Variants in CPA6 observed in about 807,000 individuals in gnomAD.
The protein encoded by CPA6 is carboxypeptidase B.
In CPA6, 58 loss-of-function variants were observed where a neutral mutation model predicts 63.3. That is an observed-to-expected ratio of 0.92 (90% CI 0.74 to 1.14). The LOEUF (loss-of-function observed/expected upper bound fraction) is 1.14. Among genes scored for constraint, CPA6 ranks in the 50% most tolerant of loss-of-function variants. CPA6 has a pLI of 0.00. For missense variants in CPA6, 565 were observed against 526.6 expected, an observed-to-expected ratio of 1.07 and a Z score of -0.71; for synonymous variants, 185 against 179.0, an observed-to-expected ratio of 1.03 and a Z score of -0.27.
chr8:67,457,289 A>T (rs1425216997), intron 8 of CPA6, among the ~76,000 whole-genome samples: 2 of 152,214 alleles, frequency 1.3e-5, no homozygotes, highest in Non-Finnish European at 2.9e-5. Context: ...ACTGCTCTTA[A>T]AAATTTATTA....
chr8:67,555,408 C>T (rs984864551), intron 2 of CPA6, among the ~76,000 whole-genome samples: 1 of 152,112 alleles, frequency 6.6e-6, no homozygotes, highest in Non-Finnish European at 1.5e-5. Context: ...GTGTGGGGAG[C>T]TTAGAGTTGA....
At chr8:67,578,632 T>C (rs1261729722) in intron 2 of CPA6, among the ~76,000 whole-genome samples, 1 of 152,180 alleles carries the variant, frequency 6.6e-6, no homozygotes, top group Non-Finnish European at 1.5e-5. Flanking sequence ...TCCCTGTTAC[T>C]ATAATGAGTT....
intron 2 of CPA6, among the ~76,000 whole-genome samples, chr8:67,614,001 C>T (rs892273842): frequency 3.3e-5 from 5 of 152,140 alleles, no homozygotes; most frequent in Non-Finnish European, 5.9e-5. Context: ...GGGATAGCCA[C>T]CTCCACCACT....
Position 67,739,402 on chromosome 8 carries a change from G to C in CPA6, c.116+6612C>G, listed in dbSNP as rs561826041. Among the ~76,000 whole-genome samples, 3 of 152,346 alleles carry C rather than the reference G, an allele frequency of 2.0e-5. No homozygotes were observed. In the East Asian group the frequency reaches 5.8e-4, roughly 29 times the overall value. ...TACCATTAACAAGGGGCAAGAGCTA[G>C]AAGGAAGTTCCAGAAGGCACTGGAG... On this transcript the variant is annotated intron_variant, in intron 1 of 10. Coordinates refer to ENST00000297770, the MANE Select transcript of CPA6 (RefSeq NM_020361.5).
chr8:67,545,857 CT>C (rs1192992598), intron 2 of CPA6, among the ~76,000 whole-genome samples: 1 of 152,148 alleles, frequency 6.6e-6, no homozygotes, highest in East Asian at 1.9e-4. Flanking sequence ...ACTACCTCGC[CT>C]GGCCTACTGT....
intron 6 of CPA6, among the ~76,000 whole-genome samples, chr8:67,492,991 AC>A (rs1811638747): frequency 6.6e-6 from 1 of 152,152 alleles, no homozygotes. Context: ...GAAAAAGCAA[AC>A]CAAAATATCA....
intron 2 of CPA6, among the ~76,000 whole-genome samples, chr8:67,586,191 G>T (rs1367159704): frequency 1.3e-5 from 2 of 152,076 alleles, no homozygotes; most frequent in African/African-American, 4.8e-5. Flanking sequence ...ATGAGGAAAG[G>T]GTAGGCTATA....
rs1238396863 is a variant in CPA6, at chr8:67,436,813, T to A, written c.839-2573A>T. On this transcript the variant is annotated intron_variant, in intron 8 of 10. Coordinates refer to ENST00000297770, the MANE Select transcript of CPA6 (RefSeq NM_020361.5). ...TTAGATTTTCCATAGTTATTTGCCA[T>A]ATGAGGCCACTAATGTCTCTTCCCT... Among the ~76,000 whole-genome samples, 3 of 152,216 alleles carry A rather than the reference T, an allele frequency of 2.0e-5. No individual in the cohort carries two copies. The South Asian group carries it at 6.2e-4, about 31-fold the overall frequency.
chr8:67,648,083 G>C (rs1250020788), intron 1 of CPA6, among the ~76,000 whole-genome samples: 2 of 152,168 alleles, frequency 1.3e-5, no homozygotes, highest in Non-Finnish European at 2.9e-5. Flanking sequence ...GGACAAAGGG[G>C]AAGTTCCTTT....
chr8:67,434,646 G>A (rs1326755576), intron 8 of CPA6, among the ~76,000 whole-genome samples: 3 of 152,198 alleles, frequency 2.0e-5, no homozygotes, highest in Non-Finnish European at 2.9e-5. Context: ...CCTGCTGCCC[G>A]CTGGAGCCCT....
intron 1 of CPA6, among the ~76,000 whole-genome samples, chr8:67,729,091 C>T (rs1428403514): frequency 2.0e-5 from 3 of 152,204 alleles, no homozygotes; most frequent in Admixed American, 2.0e-4. Context: ...CTCCTGAAAG[C>T]ATGGTGCCTG....
chr8:67,548,859 C>T (rs1191373583), intron 2 of CPA6, among the ~76,000 whole-genome samples: 1 of 152,176 alleles, frequency 6.6e-6, no homozygotes, highest in Non-Finnish European at 1.5e-5. Context: ...CCAGATACTG[C>T]AGTTCCAGAG....
chr8:67,632,022 C>A (rs1815345833), intron 1 of CPA6, among the ~76,000 whole-genome samples: 1 of 152,188 alleles, frequency 6.6e-6, no homozygotes, highest in Non-Finnish European at 1.5e-5. Context: ...TGGCTTCATT[C>A]TTGAAGTCAG....
At chr8:67,634,617 C>T (rs1024479743) in intron 1 of CPA6, among the ~76,000 whole-genome samples, 1 of 151,518 alleles carries the variant, frequency 6.6e-6, no homozygotes, top group Non-Finnish European at 1.5e-5. Context: ...GGCCAAAATG[C>T]TTAAACACTT....
chr8:67,516,644 A>C (rs1251203499), intron 3 of CPA6, among the ~76,000 whole-genome samples: 3 of 152,200 alleles, frequency 2.0e-5, no homozygotes, highest in Non-Finnish European at 4.4e-5. Flanking sequence ...CTTTAGAGTC[A>C]CCAATGTTCT....
intron 1 of CPA6, among the ~76,000 whole-genome samples, chr8:67,682,606 T>C (rs1816621165): frequency 6.6e-6 from 1 of 152,246 alleles, no homozygotes; most frequent in Admixed American, 6.5e-5. Context: ...TGTTGGGTCT[T>C]GGACATTTGT....
chr8:67,534,590 G>A (rs1404334316), intron 2 of CPA6, among the ~76,000 whole-genome samples: 4 of 152,166 alleles, frequency 2.6e-5, no homozygotes, highest in Admixed American at 2.6e-4. Context: ...AATATCTCAT[G>A]TGTAATATCC....
At chr8:67,473,507 A>G (rs926661112) in intron 8 of CPA6, among the ~76,000 whole-genome samples, 9 of 152,254 alleles carry the variant, frequency 5.9e-5, no homozygotes, top group Non-Finnish European at 1.0e-4. Context: ...AGTAATAGAT[A>G]CAAAGTAGGA....
intron 8 of CPA6, among the ~76,000 whole-genome samples, chr8:67,435,097 C>T (rs533192062): frequency 6.6e-6 from 1 of 152,314 alleles, no homozygotes; most frequent in South Asian, 2.1e-4. Context: ...AGAGGAAGGA[C>T]AGTCTGCAAG....
Sources: allele counts gnomAD v4.1 joint callset (sites outside exome capture counted in the v4.1 genomes callset), GRCh38; gene constraint gnomAD v4.1.1; transcripts MANE v1.5; gene names NCBI Gene and HGNC (gene_info 2026-07-23, HGNC 2026-07-21).